FAM193A: variants seen among roughly 807,000 people sequenced by gnomAD.
The protein encoded by FAM193A is protein FAM193A.
A neutral mutation model predicts 126.5 loss-of-function variants in FAM193A; 22 were observed. The ratio of observed to expected loss-of-function variants is 0.17; its 90% confidence interval spans 0.12 to 0.25. The LOEUF (loss-of-function observed/expected upper bound fraction) is 0.25. Ranked by LOEUF, FAM193A falls within the 10% of genes least tolerant of loss-of-function variation. FAM193A has a pLI of 1.00. For missense variants in FAM193A, 1,675 were observed against 1,672.8 expected, an observed-to-expected ratio of 1.00 and a Z score of -0.02; for synonymous variants, 761 against 646.8, an observed-to-expected ratio of 1.18 and a Z score of -2.68.
At chr4:2,645,403 G>A (rs796535365) in intron 6 of FAM193A, among the ~76,000 whole-genome samples, 3 of 152,082 alleles carry the variant, frequency 2.0e-5, no homozygotes, top group African/African-American at 7.2e-5. Flanking sequence ...TCTCCCAATC[G>A]CCATCTTGCT....
chr4:2,729,275 G>A (rs1577291649), intron 20 of FAM193A, among the ~76,000 whole-genome samples: 1 of 152,094 alleles, frequency 6.6e-6, no homozygotes, highest in Non-Finnish European at 1.5e-5. Flanking sequence ...AGGGAAGATC[G>A]CCTCAGGTGA....
chr4:2,581,378 C>T (rs370527814), intron 1 of FAM193A, among the ~76,000 whole-genome samples: 5 of 151,402 alleles, frequency 3.3e-5, no homozygotes, highest in East Asian at 2.0e-4. Flanking sequence ...CTCAGCCTCC[C>T]GAGTAGCTGG....
chr4:2,559,905 G>A (rs934421128), intron 1 of FAM193A, among the ~76,000 whole-genome samples: 5 of 152,052 alleles, frequency 3.3e-5, no homozygotes, highest in Non-Finnish European at 7.4e-5. Flanking sequence ...TGGCCTGATC[G>A]GGCCGGGTTT....
At chr4:2,718,984 A>G (rs1719830758) in intron 20 of FAM193A, among the ~76,000 whole-genome samples, 1 of 152,216 alleles carries the variant, frequency 6.6e-6, no homozygotes, top group Non-Finnish European at 1.5e-5. Flanking sequence ...CCAAACTTTC[A>G]GACTTTGAAA....
chr4:2,703,636 G>C (rs1396493253), intron 19 of FAM193A, among the ~76,000 whole-genome samples: 3 of 152,084 alleles, frequency 2.0e-5, no homozygotes, highest in Non-Finnish European at 2.9e-5. Flanking sequence ...TGTTTCCTTG[G>C]AGCACTTTCC....
chr4:2,631,420 C>T (rs1560499987), intron 5 of FAM193A, among the ~76,000 whole-genome samples: 1 of 152,050 alleles, frequency 6.6e-6, no homozygotes, highest in Non-Finnish European at 1.5e-5. Flanking sequence ...TTTGGAGGAC[C>T]TTGAGGCCCA....
At chr4:2,708,426 T>C (rs1289973716) in intron 19 of FAM193A, among the ~76,000 whole-genome samples, 1 of 152,044 alleles carries the variant, frequency 6.6e-6, no homozygotes, top group Non-Finnish European at 1.5e-5. Flanking sequence ...CGCCCGGCTG[T>C]ATGTTAACTT....
intron 2 of FAM193A, among the ~76,000 whole-genome samples, chr4:2,600,746 A>G (rs1741149709): frequency 6.6e-6 from 1 of 152,040 alleles, no homozygotes; most frequent in South Asian, 2.1e-4. Flanking sequence ...CATCTTCTTC[A>G]AGACTTTGTC....
At chr4:2,557,921 C>A (rs1015014431) in intron 1 of FAM193A, among the ~76,000 whole-genome samples, 15 of 151,528 alleles carry the variant, frequency 9.9e-5, no homozygotes, top group African/African-American at 3.6e-4. Flanking sequence ...CACTGCACTC[C>A]AGCCTGGGTG....
chr4:2,602,723 C>T lies in FAM193A; in HGVS notation c.501+6394C>T, dbSNP rs141620906. On this transcript the variant is annotated intron_variant, in intron 2 of 20. Transcript: ENST00000637812. ...TTGCCCAGGCTGGAGTGCAGTGGCGCGATCTCAGCTCACTGCAAGCTCAGC... is the reference window on the plus strand; with the variant it reads ...TTGCCCAGGCTGGAGTGCAGTGGCGTGATCTCAGCTCACTGCAAGCTCAGC... Among the ~76,000 whole-genome samples, 209 of 151,936 alleles carry T rather than the reference C, an allele frequency of 1.4e-3. 1 individual carries two copies. Among genetic ancestry groups the T allele is most frequent in the African/African-American group, 4.8e-3 (198 of 41,414 alleles).
In FAM193A at chr4:2,710,320, G is replaced by A. The variant is rs1182551203; in HGVS notation, c.4373-5703G>A. On this transcript the variant is annotated intron_variant, in intron 19 of 20. Coordinates refer to ENST00000637812, the MANE Select transcript of FAM193A (RefSeq NM_001366318.2). ...CTCCCGAGTAGCTGAGATTATAGGC[G>A]CGTGTTACTACGCCTGGCTAATTTT... Among the ~76,000 whole-genome samples, 5 of 150,978 alleles carry A rather than the reference G, an allele frequency of 3.3e-5. No homozygotes were observed. The East Asian group carries it at 7.8e-4, about 24-fold the overall frequency.
chr4:2,671,575 T>C (rs1713786561), intron 12 of FAM193A, among the ~76,000 whole-genome samples: 1 of 152,244 alleles, frequency 6.6e-6, no homozygotes, highest in East Asian at 1.9e-4. Flanking sequence ...TTTGCATGAA[T>C]AAATGTGTCG....
chr4:2,542,432 C>T (rs764004734), intron 1 of FAM193A, among the ~76,000 whole-genome samples: 9 of 152,228 alleles, frequency 5.9e-5, no homozygotes, highest in Non-Finnish European at 1.0e-4. Context: ...GCGTGAGCCA[C>T]TGCACCTGGC....
chr4:2,727,781 T>C (rs1034924698), intron 20 of FAM193A, among the ~76,000 whole-genome samples: 8 of 152,156 alleles, frequency 5.3e-5, no homozygotes, highest in Admixed American at 1.3e-4. Context: ...AGCCCACAGA[T>C]GGTGCCAGTG....
At chr4:2,620,999 C>T in intron 2 of FAM193A, among the ~76,000 whole-genome samples, 1 of 151,970 alleles carries the variant, frequency 6.6e-6, no homozygotes, top group East Asian at 1.9e-4. Context: ...TGGAAGAGGC[C>T]CTGACATGGA....
At chr4:2,694,035 G>A (rs1431181336) in intron 16 of FAM193A, among the ~76,000 whole-genome samples, 161 bp downstream of exon 16, 1 of 152,202 alleles carries the variant, frequency 6.6e-6, no homozygotes, top group Non-Finnish European at 1.5e-5. Context: ...ATGGGTAGAG[G>A]GGGGCTCCCA....
At chr4:2,691,336 C>T (rs192289287) in intron 15 of FAM193A, among the ~76,000 whole-genome samples, 1 of 152,328 alleles carries the variant, frequency 6.6e-6, no homozygotes, top group African/African-American at 2.4e-5. Flanking sequence ...CTACCTCAGC[C>T]TCCCAAGTAG....
chr4:2,645,302 T>G (rs1382220174), intron 6 of FAM193A, among the ~76,000 whole-genome samples: 1 of 152,128 alleles, frequency 6.6e-6, no homozygotes, highest in Admixed American at 6.6e-5. Context: ...TAGACTTAGG[T>G]ATTAGGAACA....
intron 20 of FAM193A, among the ~76,000 whole-genome samples, chr4:2,728,321 C>T (rs900379869): frequency 6.8e-6 from 1 of 146,976 alleles, no homozygotes; most frequent in African/African-American, 2.5e-5. Context: ...CTTTCCACCT[C>T]AGTCTTCCAA....
Sources: gnomAD v4.1 joint callset for allele counts (sites outside exome capture counted in the v4.1 genomes callset) on GRCh38, gnomAD v4.1.1 for gene constraint, MANE v1.5 for transcripts, NCBI Gene and HGNC (gene_info 2026-07-23, HGNC 2026-07-21) for gene names.